KLF13: variants seen among roughly 807,000 people sequenced by gnomAD.
The protein encoded by KLF13 is KLF transcription factor 13.
Under a neutral mutation model 16.7 loss-of-function variants are expected in KLF13, and 8 were observed. That is an observed-to-expected ratio of 0.48 (90% CI 0.28 to 0.87). The LOEUF (loss-of-function observed/expected upper bound fraction) is 0.87. KLF13 is among the 40% of genes least tolerant of loss of function. KLF13 has a pLI of 0.10. For synonymous variants in KLF13, 245 were observed against 208.4 expected, an observed-to-expected ratio of 1.18 and a Z score of -1.51; for missense variants, 447 against 452.2, an observed-to-expected ratio of 0.99 and a Z score of 0.10.
intron 1 of KLF13, among the ~76,000 whole-genome samples, chr15:31,337,767 G>A (rs776173909): frequency 1.4e-4 from 21 of 152,334 alleles, no homozygotes; most frequent in Non-Finnish European, 7.3e-5. Flanking sequence ...CCAGCCTCTC[G>A]TCCCACGTGG....
intron 1 of KLF13, among the ~76,000 whole-genome samples, chr15:31,334,583 G>A (rs950255376): frequency 4.7e-5 from 7 of 147,982 alleles, no homozygotes; most frequent in African/African-American, 1.3e-4. Context: ...GCCTGCCACC[G>A]TGCCCAGCTA....
downstream of KLF13, among the ~76,000 whole-genome samples, chr15:31,408,295 A>G (rs191445270): frequency 4.6e-3 from 694 of 152,344 alleles, 3 homozygotes; most frequent in Non-Finnish European, 7.8e-3. Context: ...AGGTAGTCAC[A>G]GAGAAGACCG....
At chr15:31,354,839 G>A (rs959320035) in intron 1 of KLF13, among the ~76,000 whole-genome samples, 1 of 152,070 alleles carries the variant, frequency 6.6e-6, no homozygotes, top group African/African-American at 2.4e-5. Flanking sequence ...GGAAATCCCA[G>A]ATGCAATATC....
chr15:31,422,354 C>T (rs962154994), intron 1 of KLF13, among the ~76,000 whole-genome samples: 14 of 152,060 alleles, frequency 9.2e-5, no homozygotes, highest in African/African-American at 2.2e-4. Flanking sequence ...CTTACAATCA[C>T]GGTGAAAGGC....
chr15:31,348,923 A>G (rs1404691518), intron 1 of KLF13, among the ~76,000 whole-genome samples: 1 of 152,162 alleles, frequency 6.6e-6, no homozygotes, highest in Non-Finnish European at 1.5e-5. Context: ...TAGAGGGAGC[A>G]AAGGGATTTT....
intron 1 of KLF13, among the ~76,000 whole-genome samples, chr15:31,328,979 T>C (rs1301484647): frequency 6.6e-6 from 1 of 152,120 alleles, no homozygotes; most frequent in Non-Finnish European, 1.5e-5. Flanking sequence ...TTAAAAGGCA[T>C]AAAAAGAAGC....
At chr15:31,394,924 A>G (rs774531806) in intron 2 of KLF13, among the ~76,000 whole-genome samples, 2 of 152,146 alleles carry the variant, frequency 1.3e-5, no homozygotes, top group African/African-American at 4.8e-5. Flanking sequence ...TTCACTTAGC[A>G]TAAATTTTTA....
chr15:31,412,843 G>A (rs567759488), intron 1 of KLF13, among the ~76,000 whole-genome samples: 13 of 152,294 alleles, frequency 8.5e-5, no homozygotes, highest in African/African-American at 3.1e-4. Flanking sequence ...GTAGTGAAAG[G>A]CATCTGAAAG....
intron 1 of KLF13, among the ~76,000 whole-genome samples, chr15:31,368,004 C>G (rs1314169218): frequency 6.6e-6 from 1 of 152,006 alleles, no homozygotes; most frequent in African/African-American, 2.4e-5. Flanking sequence ...CCTTCCTTCC[C>G]CTGCCCCCTT....
At chr15:31,431,756 G>T (rs540478011) in intron 1 of KLF13, among the ~76,000 whole-genome samples, 1 of 152,294 alleles carries the variant, frequency 6.6e-6, no homozygotes, top group Middle Eastern at 3.4e-3. Flanking sequence ...GAGCCACCGC[G>T]CCCAGCCTGG....
chr15:31,376,503 G>A lies in KLF13; in HGVS notation c.*4204G>A, dbSNP rs12595641. 0.14 allele frequency: 21,384 copies of A among 152,506 alleles called. 1,662 individuals carry two copies. Among genetic ancestry groups the A allele is most frequent in the East Asian group, 0.2 (1,033 of 5,172 alleles). 9.4% of individuals were successfully genotyped at this position (152,506 alleles called of 1,614,324 possible). A position where few individuals can be genotyped will look rare whatever the true frequency, so the allele number is the denominator to read the frequency against. On this transcript the variant is annotated 3_prime_UTR_variant, in exon 2 of 2. Transcript: ENST00000307145. ...AATTCTGGTCACCATATTTTCCAAA[G>A]CTAAAATCTGAGGCGTGGGCTGATG...
chr15:31,345,211 G>A (rs910835019), intron 1 of KLF13, among the ~76,000 whole-genome samples: 3 of 152,234 alleles, frequency 2.0e-5, no homozygotes, highest in Non-Finnish European at 4.4e-5. Context: ...GGCTGGGATT[G>A]TGGGGTGCCA....
intron 1 of KLF13, among the ~76,000 whole-genome samples, chr15:31,354,491 CTGCCT>C (rs1175478103): frequency 1.3e-5 from 2 of 152,220 alleles, no homozygotes; most frequent in Non-Finnish European, 2.9e-5. Flanking sequence ...AGCAATTCTC[CTGCCT>C]CAGCCTCTCA....
chr15:31,327,870 T>C (rs1339340824), intron 1 of KLF13, 81 bp downstream of exon 1: 1 of 1,198,394 alleles, frequency 8.3e-7, no homozygotes, highest in South Asian at 3.2e-5. Flanking sequence ...GAGTCCCCGA[T>C]GGGGCGCGAG....
At chr15:31,342,103 C>G (rs1272257286) in intron 1 of KLF13, among the ~76,000 whole-genome samples, 1 of 152,122 alleles carries the variant, frequency 6.6e-6, no homozygotes, top group Admixed American at 6.5e-5. Context: ...AAACCTCAAC[C>G]TCAAGGTGAA....
At chr15:31,348,049 A>T (rs2241779) in intron 1 of KLF13, among the ~76,000 whole-genome samples, 2 of 152,048 alleles carry the variant, frequency 1.3e-5, no homozygotes, top group Admixed American at 1.3e-4. Context: ...CTGCACTTTC[A>T]GGGGGGTTTA....
rs371896440 is a variant in KLF13, at chr15:31,423,164, T to TATAC, written n.118-12206_118-12205insATAC. On this transcript the variant is annotated intron_variant and non_coding_transcript_variant, in intron 1 of 1. Transcript: ENST00000558225. Reference sequence around the variant, plus strand: ...GTATACGTATATATACGTATATATATGTATATATATACATATATACGTATA... The same window carrying TATAC: ...GTATACGTATATATACGTATATATATATACGTATATATATACATATATACGTATA... Among the ~76,000 whole-genome samples the TATAC allele has an allele frequency of 3.5e-4, 9 of 25,356 alleles. 1 individual carries two copies. Among genetic ancestry groups the TATAC allele is most frequent in the African/African-American group, 2.5e-3 (7 of 2,792 alleles). The allele number at this position is 25,356 out of a possible 152,430, so 16.6% of individuals were successfully genotyped here.
At chr15:31,335,657 G>A (rs1013542877) in intron 1 of KLF13, among the ~76,000 whole-genome samples, 13 of 152,158 alleles carry the variant, frequency 8.5e-5, no homozygotes, top group African/African-American at 3.1e-4. Flanking sequence ...AAAAACACTT[G>A]CTAACCAGAA....
intron 1 of KLF13, among the ~76,000 whole-genome samples, chr15:31,331,291 G>C (rs963493322): frequency 2.0e-5 from 3 of 152,184 alleles, no homozygotes; most frequent in Non-Finnish European, 4.4e-5. Context: ...GCATGTTTGT[G>C]GTCACCTGGC....
Sources: allele counts gnomAD v4.1 joint callset (sites outside exome capture counted in the v4.1 genomes callset), GRCh38; gene constraint gnomAD v4.1.1; transcripts MANE v1.5; gene names NCBI Gene and HGNC (gene_info 2026-07-23, HGNC 2026-07-21).